JHY: variants seen among roughly 807,000 people sequenced by gnomAD.
The protein encoded by JHY is jhy protein homolog.
In JHY, 69 loss-of-function variants were observed where a neutral mutation model predicts 78.0. That is an observed-to-expected ratio of 0.88 (90% confidence interval 0.73 to 1.08). The LOEUF is 1.08. Ranked by LOEUF, JHY falls within the 50% of genes least tolerant of loss-of-function variation. The probability of loss-of-function intolerance (pLI) is 0.00; values close to 1 mark genes in which losing one functional copy is unlikely to be tolerated. For missense variants in JHY, 944 were observed against 927.8 expected, an observed-to-expected ratio of 1.02 and a Z score of -0.23; for synonymous variants, 368 against 342.6, an observed-to-expected ratio of 1.07 and a Z score of -0.82.
intron 4 of JHY, among the ~76,000 whole-genome samples, chr11:122,930,962 G>T (rs541318193): frequency 7.2e-5 from 11 of 152,276 alleles, no homozygotes; most frequent in African/African-American, 2.6e-4. Flanking sequence ...TATGTCTGGT[G>T]AGGATCTGCT....
rs1426568157 is a variant in JHY at position 122,959,917 on chromosome 11, C to A, written c.*472C>A. ...CATTTCAAAATATTACTAAAATCTC[C>A]AAGTTTGGCAAAGGGCTTATATATA... On this transcript the variant is annotated 3_prime_UTR_variant, in exon 9 of 9. Coordinates refer to ENST00000227349, the MANE Select transcript of JHY (RefSeq NM_024806.4). 1.9e-5 allele frequency: 3 copies of A among 158,016 alleles called. No individual in the cohort carries two copies. Among genetic ancestry groups the A allele is most frequent in the African/African-American group, 7.2e-5 (3 of 41,420 alleles). 9.8% of individuals were successfully genotyped at this position (158,016 alleles called of 1,614,324 possible).
intron 4 of JHY, among the ~76,000 whole-genome samples, chr11:122,925,927 G>A (rs1190344028): frequency 6.6e-6 from 1 of 151,908 alleles, no homozygotes; most frequent in Non-Finnish European, 1.5e-5. Context: ...TGAGGCAGGA[G>A]AATCACTTGA....
chr11:122,924,289 T>A (rs569878776), intron 3 of JHY, among the ~76,000 whole-genome samples: 1 of 152,316 alleles, frequency 6.6e-6, no homozygotes, highest in African/African-American at 2.4e-5. Context: ...AGCAACATTG[T>A]TGCATGTGCA....
At position 122,904,392 on chromosome 11, in the gene JHY, ACT is replaced by A; in HGVS notation, c.815_816del (p.Ser272LeufsTer7). On this transcript the variant is annotated frameshift_variant, in exon 3 of 9. Transcript: ENST00000227349. LOFTEE classifies it high-confidence loss of function. ...TTGGGATTACCCACCCCGAAAACGG[ACT>A]CTTATCTTCAACTTCACAATAAAAA... 1.9e-6 allele frequency: 3 copies of A among 1,614,098 alleles called. No individual in the cohort carries two copies. The highest frequency in any genetic ancestry group is 2.5e-6 in the Non-Finnish European group (3 of 1,180,002).
At chr11:122,924,550 T>C (rs1443107538) in intron 3 of JHY, among the ~76,000 whole-genome samples, 1 of 152,222 alleles carries the variant, frequency 6.6e-6, no homozygotes, top group Non-Finnish European at 1.5e-5. Flanking sequence ...TATAGTGTTA[T>C]TTCATAGTGT....
At chr11:122,910,612 C>T (rs1216143168) in intron 3 of JHY, among the ~76,000 whole-genome samples, 1 of 152,156 alleles carries the variant, frequency 6.6e-6, no homozygotes, top group Non-Finnish European at 1.5e-5. Context: ...CAACTTTTTA[C>T]TGTGTACCTT....
chr11:122,952,022 A>G (rs1465921040), intron 6 of JHY, among the ~76,000 whole-genome samples: 1 of 142,104 alleles, frequency 7.0e-6, no homozygotes, highest in Non-Finnish European at 1.5e-5. Context: ...TTGTGTTACT[A>G]TGACCTTTTA....
intron 2 of JHY, among the ~76,000 whole-genome samples, chr11:122,891,570 T>TA (rs10636239): frequency 0.61 from 90,322 of 147,390 alleles, 28,480 homozygotes; most frequent in Non-Finnish European, 0.69. Flanking sequence ...CCTTGTATAT[T>TA]AAAAAAAAAA....
chr11:122,946,435 T>C lies in JHY; in HGVS notation c.1635-63T>C, dbSNP rs1038277329. 8 of 1,482,744 alleles carry C rather than the reference T, an allele frequency of 5.4e-6. No homozygotes were observed. In the African/African-American group the frequency reaches 1.1e-4, roughly 21 times the overall value. The allele number at this position is 1,482,744 out of a possible 1,614,324, so 91.8% of individuals were successfully genotyped here. On this transcript the variant is annotated intron_variant, in intron 5 of 8. Transcript: ENST00000227349. ...AATTAATGGTTCATAAAGACTTTTA[T>C]GCTAGATGTCTTATGTATTTGGATT...
intron 4 of JHY, among the ~76,000 whole-genome samples, chr11:122,925,307 TCA>T: frequency 6.6e-6 from 1 of 152,186 alleles, no homozygotes; most frequent in South Asian, 2.1e-4. Context: ...GCAGGAAAAA[TCA>T]CAGTTCCAGA....
At chr11:122,957,806 C>T (rs1864224271) in intron 8 of JHY, among the ~76,000 whole-genome samples, 1 of 110,772 alleles carries the variant, frequency 9.0e-6, no homozygotes, top group African/African-American at 3.3e-5. Context: ...GTGACACACA[C>T]ACAGTCACAC....
At chr11:122,944,245 T>C (rs954984804) in intron 5 of JHY, among the ~76,000 whole-genome samples, 1 of 152,170 alleles carries the variant, frequency 6.6e-6, no homozygotes. Flanking sequence ...GTGGCACTGA[T>C]ACCTTTGAAT....
intron 3 of JHY, among the ~76,000 whole-genome samples, chr11:122,914,446 T>G (rs1355747100): frequency 6.6e-6 from 1 of 152,096 alleles, no homozygotes; most frequent in Non-Finnish European, 1.5e-5. Flanking sequence ...TTTTTTGTTT[T>G]TTTTGTTTGT....
chr11:122,931,930 G>A (rs925789844), intron 4 of JHY, among the ~76,000 whole-genome samples: 21 of 152,046 alleles, frequency 1.4e-4, no homozygotes, highest in African/African-American at 4.6e-4. Context: ...CCCAGCATTA[G>A]GCATCAGGAT....
chr11:122,955,628 C>T (rs2135383078), intron 6 of JHY, among the ~76,000 whole-genome samples: 1 of 152,184 alleles, frequency 6.6e-6, no homozygotes, highest in Middle Eastern at 3.4e-3. Flanking sequence ...ATTCTATGTG[C>T]CCTTCAAAAT....
chr11:122,905,357 G>A lies in JHY; in HGVS notation c.864+913G>A, dbSNP rs1414396569. 3 of 1,528,930 alleles carry A rather than the reference G, an allele frequency of 2.0e-6. No homozygotes were observed. In the African/African-American group the frequency reaches 4.2e-5, roughly 21 times the overall value. The allele number at this position is 1,528,930 out of a possible 1,614,324, so 94.7% of individuals were successfully genotyped here. A position where few individuals can be genotyped will look rare whatever the true frequency, so the allele number is the denominator to read the frequency against. ...CCACCACTCTTACTGGAAAGAGCTT[G>A]AGATTTATCACCTGCTAATGTGAGG... is the stretch of plus-strand genomic sequence containing the variant. On this transcript the variant is annotated intron_variant, in intron 3 of 8. Transcript: ENST00000227349.
intron 5 of JHY, among the ~76,000 whole-genome samples, chr11:122,936,015 G>T (rs1378062945): frequency 6.6e-6 from 1 of 152,126 alleles, no homozygotes; most frequent in East Asian, 1.9e-4. Context: ...GTCAATAGTG[G>T]TTATCTCTAG....
chr11:122,889,422 CT>C (rs530708753), intron 2 of JHY, among the ~76,000 whole-genome samples: 212 of 152,206 alleles, frequency 1.4e-3, no homozygotes, highest in African/African-American at 4.8e-3. Context: ...TGCACAGAGA[CT>C]TTTTTTCTTG....
In JHY at chr11:122,937,650, T is replaced by A. The variant is rs115971793; in HGVS notation, c.1634+2575T>A. Among the ~76,000 whole-genome samples the A allele has an allele frequency of 3.3e-3, 501 of 152,276 alleles. 3 individuals carry two copies. The highest frequency in any genetic ancestry group is 0.011 in the African/African-American group (460 of 41,560). The stretch of plus-strand genomic sequence containing the variant: ...GCGTGCCAGTGTCCTGTGCCACACC[T>A]GTTTTCTGACTGCGTTCCGCTGTTG... On this transcript the variant is annotated intron_variant, in intron 5 of 8. Coordinates refer to ENST00000227349, the MANE Select transcript of JHY (RefSeq NM_024806.4).
Sources: allele counts gnomAD v4.1 joint callset (sites outside exome capture counted in the v4.1 genomes callset), GRCh38; gene constraint gnomAD v4.1.1; transcripts MANE v1.5; gene names NCBI Gene and HGNC (gene_info 2026-07-23, HGNC 2026-07-21).